The following OR2AT4 variants were observed in gnomAD, a reference collection of about 807,000 sequenced individuals.
OR2AT4 encodes olfactory receptor 2AT4.
OR2AT4 carries 6 observed loss-of-function variants against 10.3 expected under a neutral mutation model. That is an observed-to-expected ratio of 0.58 (90% CI 0.32 to 1.15). The LOEUF is 1.15. Among genes scored for constraint, OR2AT4 ranks in the 50% most tolerant of loss-of-function variants. The pLI, the probability that OR2AT4 is intolerant of heterozygous loss-of-function variation, is 0.05. For missense variants in OR2AT4, 354 were observed against 393.8 expected (o/e 0.90, Z 0.85); for synonymous variants, 145 against 159.1 (o/e 0.91, Z 0.67).
Position 75,089,664 on chromosome 11 carries a change from T to C in OR2AT4, c.50A>G (p.Tyr17Cys), listed in dbSNP as rs758448609. The change falls in exon 2 of 2, where the codon TAT becomes TGT. Residue 17 changes from tyrosine (Y) to cysteine (C), a missense_variant. Tyr to Cys is a radical substitution (Grantham distance 194). Transcript: ENST00000641504. ...TGGCAGAGAGGGGATGCCCAATAGATAGAAGACGGGTGAGCCATCCACTGA... is the reference window on the plus strand; with the variant it reads ...TGGCAGAGAGGGGATGCCCAATAGACAGAAGACGGGTGAGCCATCCACTGA... The C allele has an allele frequency of 2.2e-5, 35 of 1,613,548 alleles. No homozygotes were observed. The highest frequency in any genetic ancestry group is 2.7e-5 in the Non-Finnish European group (32 of 1,179,814).
exon 2 of OR2AT4, chr11:75,083,113 G>C (rs1014561028): frequency 2.0e-5 from 3 of 151,376 alleles, no homozygotes; most frequent in Non-Finnish European, 4.4e-5. Flanking sequence ...GGAGAGAGAA[G>C]GAAAAGAAAG....
At chr11:75,091,830 A>G (rs563192742) in intron 1 of OR2AT4, among the ~76,000 whole-genome samples, 1 of 152,298 alleles carries the variant, frequency 6.6e-6, no homozygotes, top group Admixed American at 6.5e-5. Flanking sequence ...TTTTGGTTAC[A>G]TGTATGTTTA....
intron 1 of OR2AT4, among the ~76,000 whole-genome samples, chr11:75,091,987 C>G (rs1376152556): frequency 6.6e-6 from 1 of 152,128 alleles, no homozygotes; most frequent in African/African-American, 2.4e-5. Context: ...TTCCTATTTT[C>G]AATACATTTA....
intron 1 of OR2AT4, among the ~76,000 whole-genome samples, chr11:75,094,413 G>A (rs574130404): frequency 1.3e-5 from 2 of 152,268 alleles, no homozygotes; most frequent in African/African-American, 4.8e-5. Context: ...GGGTGGGCTG[G>A]TTTTCTGTCA....
At chr11:75,086,906 G>C (rs1949293843) in exon 2 of OR2AT4, 1 of 152,152 alleles carries the variant, frequency 6.6e-6, no homozygotes, top group South Asian at 2.1e-4. Flanking sequence ...GCTCTTTACT[G>C]TCTTCATAGT....
chr11:75,085,354 T>C (rs147090690), exon 2 of OR2AT4: 160 of 152,232 alleles, frequency 1.1e-3, no homozygotes, highest in African/African-American at 3.7e-3. Context: ...TATTAAATAG[T>C]TAATTTTGTA....
intron 1 of OR2AT4, among the ~76,000 whole-genome samples, chr11:75,091,806 T>C (rs1274857112): frequency 2.6e-5 from 4 of 152,232 alleles, no homozygotes; most frequent in Admixed American, 2.0e-4. Flanking sequence ...AAATGTTCTA[T>C]GTATTGAGTT....
chr11:75,094,116 C>T (rs1949334518), intron 1 of OR2AT4, among the ~76,000 whole-genome samples: 1 of 152,028 alleles, frequency 6.6e-6, no homozygotes, highest in East Asian at 1.9e-4. Flanking sequence ...AACCACCGCA[C>T]CCAGCCAGCT....
chr11:75,086,876 G>C (rs1425111489), exon 2 of OR2AT4: 3 of 152,140 alleles, frequency 2.0e-5, no homozygotes, highest in Non-Finnish European at 2.9e-5. Flanking sequence ...CCTTCTCCTA[G>C]TCTCCCTGGC....
exon 2 of OR2AT4, chr11:75,089,648 G>A: frequency 6.2e-7 from 1 of 1,613,886 alleles, no homozygotes; most frequent in South Asian, 1.1e-5. Flanking sequence ...CTGGCAGAGA[G>A]GGGATGCCCA....
intron 1 of OR2AT4, among the ~76,000 whole-genome samples, chr11:75,093,804 CTTTTTCTTTTTTTTTTTTTT>C (rs1949332350): frequency 1.1e-5 from 1 of 88,352 alleles, no homozygotes; most frequent in African/African-American, 4.2e-5. Context: ...TTTTCTTTTT[CTTTTTCTTTTTTTTTTTTTT>C]TTTTTTTTTT....
At chr11:75,085,493 T>C (rs186832501) in exon 2 of OR2AT4, 1 of 152,230 alleles carries the variant, frequency 6.6e-6, no homozygotes, top group African/African-American at 2.4e-5. Flanking sequence ...ACGGGAAAGC[T>C]TCCTAATTCA....
At chr11:75,092,425 C>T (rs1386832298) in intron 1 of OR2AT4, among the ~76,000 whole-genome samples, 1 of 151,948 alleles carries the variant, frequency 6.6e-6, no homozygotes, top group Non-Finnish European at 1.5e-5. Flanking sequence ...TGCAATAAAG[C>T]CCAAAAATAT....
chr11:75,089,439 A>G, exon 2 of OR2AT4: 1 of 1,614,196 alleles, frequency 6.2e-7, no homozygotes, highest in African/African-American at 1.3e-5. Context: ...GCGGTCCCCA[A>G]GCAAGAATAA....
chr11:75,089,537 G>C, exon 2 of OR2AT4: 3 of 1,614,088 alleles, frequency 1.9e-6, no homozygotes, highest in Non-Finnish European at 2.5e-6. Context: ...GCTTGTGGAG[G>C]CTGGGCTCTG....
At chr11:75,088,210 T>C (rs1446296419) in exon 2 of OR2AT4, 3 of 152,280 alleles carry the variant, frequency 2.0e-5, no homozygotes, top group Non-Finnish European at 4.4e-5. Context: ...AATGCATATG[T>C]AATTTTGGTA....
exon 2 of OR2AT4, chr11:75,087,905 C>T (rs548746232): frequency 2.0e-5 from 3 of 152,192 alleles, no homozygotes; most frequent in African/African-American, 7.2e-5. Context: ...TTATAGATAA[C>T]CATCTTTATG....
chr11:75,085,752 A>G (rs1048345021), exon 2 of OR2AT4: 2 of 152,122 alleles, frequency 1.3e-5, no homozygotes, highest in Non-Finnish European at 2.9e-5. Context: ...GGAATGGAAG[A>G]CTCGACATTG....
chr11:75,088,670 C>T, exon 2 of OR2AT4: 1 of 1,209,888 alleles, frequency 8.3e-7, no homozygotes. Context: ...AACATTATTT[C>T]ATTATCATGT....
Sources: allele counts gnomAD v4.1 joint callset (sites outside exome capture counted in the v4.1 genomes callset), GRCh38; gene constraint gnomAD v4.1.1; transcripts MANE v1.5; gene names NCBI Gene and HGNC (gene_info 2026-07-23, HGNC 2026-07-21).